The following CNTN5 variants were observed in gnomAD, a reference collection of about 807,000 sequenced individuals.
The protein encoded by CNTN5 is contactin 5, also known as contactin-5.
A neutral mutation model predicts 129.1 loss-of-function variants in CNTN5; 77 were observed. The ratio of observed to expected loss-of-function variants is 0.60; its 90% CI spans 0.50 to 0.72. The LOEUF (loss-of-function observed/expected upper bound fraction) is 0.72, where lower values mean the gene tolerates loss of function less well. CNTN5 is among the 30% of genes least tolerant of loss of function. The probability of loss-of-function intolerance (pLI) is 0.00; values close to 1 mark genes in which losing one functional copy is unlikely to be tolerated. For synonymous variants in CNTN5, 509 were observed against 465.6 expected, an observed-to-expected ratio of 1.09 and a Z score of -1.20; for missense variants, 1,478 against 1,328.8, an observed-to-expected ratio of 1.11 and a Z score of -1.75.
intron 2 of CNTN5, among the ~76,000 whole-genome samples, chr11:99,418,991 A>G (rs1191635358): frequency 1.3e-5 from 2 of 152,178 alleles, no homozygotes; most frequent in Non-Finnish European, 2.9e-5. Flanking sequence ...GCCTTCTAAT[A>G]CTCAGTGTCC....
intron 1 of CNTN5, among the ~76,000 whole-genome samples, chr11:99,263,794 T>G (rs570965766): frequency 6.6e-6 from 1 of 151,956 alleles, no homozygotes; most frequent in East Asian, 1.9e-4. Context: ...GCTATTAATT[T>G]TTTTTTTTGT....
At chr11:100,102,634 A>G (rs1445153338) in intron 13 of CNTN5, among the ~76,000 whole-genome samples, 1 of 152,122 alleles carries the variant, frequency 6.6e-6, no homozygotes, top group Admixed American at 6.6e-5. Flanking sequence ...ATAATTTAGA[A>G]TTTGTTAAGA....
At chr11:99,844,776 A>G in intron 4 of CNTN5, 76 bp from the exon 5 acceptor site, 2 of 1,406,778 alleles carry the variant, frequency 1.4e-6, no homozygotes, top group Non-Finnish European at 1.9e-6. Context: ...GAATATAAGT[A>G]AGATGGAAAA....
chr11:99,334,620 T>C lies in CNTN5; in HGVS notation c.-71+9136T>C, dbSNP rs554127836. Among the ~76,000 whole-genome samples, 5 of 152,226 alleles carry C rather than the reference T, an allele frequency of 3.3e-5. No homozygotes were observed. In the East Asian group the frequency reaches 9.6e-4, roughly 29 times the overall value. On this transcript the variant is annotated intron_variant, in intron 2 of 24. Coordinates refer to ENST00000524871, the MANE Select transcript of CNTN5 (RefSeq NM_014361.4). ...TGTTAATTAAGTTTGTACTATCCAA[T>C]AAAGATAGCTACTAGCCACATGTGG...
rs933219999 is a variant in CNTN5, at chr11:100,203,415, A to T, written c.1884+9752A>T. Among the ~76,000 whole-genome samples the T allele has an allele frequency of 5.9e-5, 9 of 152,192 alleles. No individual in the cohort carries two copies. The East Asian group carries it at 1.5e-3, about 26-fold the overall frequency. ...AAAGAATGTAGAGTACAAAGGTCTCAATCATTCTTCTGAAGAAAATAATTG... is the reference window on the plus strand; with the variant it reads ...AAAGAATGTAGAGTACAAAGGTCTCTATCATTCTTCTGAAGAAAATAATTG... On this transcript the variant is annotated intron_variant, in intron 15 of 24. Transcript: ENST00000524871.
intron 6 of CNTN5, among the ~76,000 whole-genome samples, chr11:99,896,211 C>G (rs2135931159): frequency 6.6e-6 from 1 of 152,270 alleles, no homozygotes; most frequent in South Asian, 2.1e-4. Context: ...AGGCTTGTGC[C>G]CCACAAGTCC....
rs1441262181 is a variant in CNTN5 at position 99,312,518 on chromosome 11, A to G, written c.-209-12828A>G. On this transcript the variant is annotated intron_variant, in intron 1 of 24. Coordinates refer to ENST00000524871, the MANE Select transcript of CNTN5 (RefSeq NM_014361.4). ...ATGGTAGTTAATTGTTTCTGCTATAATATCCTTCCTTTTCATTCAGCAGAA... is the reference window on the plus strand; with the variant it reads ...ATGGTAGTTAATTGTTTCTGCTATAGTATCCTTCCTTTTCATTCAGCAGAA... 2.6e-5 allele frequency among the ~76,000 whole-genome samples: 4 copies of G among 152,130 alleles called. No individual in the cohort carries two copies. In the East Asian group the frequency reaches 7.7e-4, roughly 29 times the overall value.
chr11:99,224,347 T>C (rs1860562842), intron 1 of CNTN5, among the ~76,000 whole-genome samples: 1 of 152,164 alleles, frequency 6.6e-6, no homozygotes. Flanking sequence ...GCCACTACTG[T>C]TTGCATCCTG....
chr11:100,058,107 A>G (rs899874042), intron 9 of CNTN5, among the ~76,000 whole-genome samples: 2 of 152,152 alleles, frequency 1.3e-5, no homozygotes, highest in African/African-American at 2.4e-5. Flanking sequence ...AACAATTACA[A>G]TTTATATAAC....
chr11:100,046,749 G>T (rs540700428), intron 9 of CNTN5, among the ~76,000 whole-genome samples: 1 of 152,008 alleles, frequency 6.6e-6, no homozygotes, highest in South Asian at 2.1e-4. Flanking sequence ...AGGGTAGTTT[G>T]TACCATATTA....
chr11:99,239,731 C>G (rs985564232), intron 1 of CNTN5, among the ~76,000 whole-genome samples: 4 of 152,026 alleles, frequency 2.6e-5, no homozygotes, highest in South Asian at 2.1e-4. Context: ...GTCAGCAGAT[C>G]GAGACCATCC....
chr11:99,740,656 C>T (rs1433383434), intron 3 of CNTN5, among the ~76,000 whole-genome samples: 9 of 152,078 alleles, frequency 5.9e-5, no homozygotes, highest in African/African-American at 2.2e-4. Flanking sequence ...CTAGCCACAC[C>T]CTCAGCAGGC....
chr11:100,217,720 ATCT>A (rs1949171451), intron 15 of CNTN5, among the ~76,000 whole-genome samples: 1 of 152,210 alleles, frequency 6.6e-6, no homozygotes, highest in Non-Finnish European at 1.5e-5. Flanking sequence ...AATTGCTAAA[ATCT>A]TCTTACCTAC....
rs143871137 is a variant in CNTN5, at chr11:99,636,454, A to G, written c.55+80185A>G. Among the ~76,000 whole-genome samples, 510 of 150,950 alleles carry G rather than the reference A, an allele frequency of 3.4e-3. 4 individuals are homozygous for G. Among genetic ancestry groups the G allele is most frequent in the African/African-American group, 0.011 (455 of 40,968 alleles). On this transcript the variant is annotated intron_variant, in intron 3 of 24. Coordinates refer to ENST00000524871, the MANE Select transcript of CNTN5 (RefSeq NM_014361.4). ...TTTCCACCCTTTTCTGTTCTGGCCT[A>G]TCAGTGTTCTAGGAGGCTGGGTCTT... is the stretch of plus-strand genomic sequence containing the variant.
intron 3 of CNTN5, among the ~76,000 whole-genome samples, chr11:99,701,887 G>A (rs1020888102): frequency 1.3e-5 from 2 of 150,724 alleles, no homozygotes; most frequent in Admixed American, 6.6e-5. Flanking sequence ...TTCATATTGA[G>A]CTATTTTACT....
At chr11:99,763,612 A>T (rs955127613) in intron 3 of CNTN5, among the ~76,000 whole-genome samples, 1 of 152,106 alleles carries the variant, frequency 6.6e-6, no homozygotes, top group Non-Finnish European at 1.5e-5. Context: ...GTCAAAAACT[A>T]GAAAATAGGT....
intron 1 of CNTN5, among the ~76,000 whole-genome samples, chr11:99,216,275 G>C (rs1424812254): frequency 1.3e-5 from 2 of 152,014 alleles, no homozygotes; most frequent in Non-Finnish European, 2.9e-5. Context: ...CTGGCTTATT[G>C]TATTTAACAT....
chr11:99,857,623 GTAA>G (rs573317855), intron 6 of CNTN5, among the ~76,000 whole-genome samples: 174 of 152,090 alleles, frequency 1.1e-3, no homozygotes, highest in African/African-American at 3.8e-3. Flanking sequence ...TTTTAATGCA[GTAA>G]TAATATTTGT....
chr11:99,621,974 ACAT>A (rs1950965406), intron 3 of CNTN5, among the ~76,000 whole-genome samples: 1 of 152,166 alleles, frequency 6.6e-6, no homozygotes. Context: ...GAATTCTCTA[ACAT>A]CATGGATAAA....
Sources: gnomAD v4.1 joint callset for allele counts (sites outside exome capture counted in the v4.1 genomes callset) on GRCh38, gnomAD v4.1.1 for gene constraint, MANE v1.5 for transcripts, NCBI Gene and HGNC (gene_info 2026-07-23, HGNC 2026-07-21) for gene names.